The following SCFD2 variants were observed in gnomAD, a reference collection of about 807,000 sequenced individuals.
SCFD2 encodes the protein sec1 family domain containing 2.
Under a neutral mutation model 58.9 loss-of-function variants are expected in SCFD2, and 54 were observed. The observed-to-expected ratio is 0.92, with a 90% CI of 0.74 to 1.15. SCFD2 has a LOEUF of 1.15. Ranked by LOEUF, SCFD2 falls within the 50% of genes most tolerant of loss-of-function variation. The pLI is 0.00. For missense variants in SCFD2, 805 were observed against 836.6 expected (o/e 0.96, Z 0.47); for synonymous variants, 321 against 335.9 (o/e 0.96, Z 0.49).
chr4:52,922,927 CG>C (rs1186314016), intron 5 of SCFD2, among the ~76,000 whole-genome samples: 2 of 152,226 alleles, frequency 1.3e-5, no homozygotes, highest in East Asian at 3.9e-4. Flanking sequence ...TGAGGATACA[CG>C]TGTTGAAAAG....
chr4:53,062,071 CATAATA>C (rs1723529885), intron 5 of SCFD2, among the ~76,000 whole-genome samples: 1 of 151,468 alleles, frequency 6.6e-6, no homozygotes, highest in African/African-American at 2.4e-5. Flanking sequence ...TAATATGTAA[CATAATA>C]ATAGTAATAA....
chr4:53,288,520 T>C (rs1263730987), intron 3 of SCFD2, among the ~76,000 whole-genome samples: 1 of 152,040 alleles, frequency 6.6e-6, no homozygotes, highest in African/African-American at 2.4e-5. Flanking sequence ...GGAATCCCCA[T>C]CAGATTACCA....
At chr4:53,158,352 T>C (rs976252352) in intron 4 of SCFD2, among the ~76,000 whole-genome samples, 16 of 152,226 alleles carry the variant, frequency 1.1e-4, no homozygotes, top group African/African-American at 3.6e-4. Flanking sequence ...AAACTACCTA[T>C]TGGACTTCTC....
chr4:52,920,863 G>A lies in SCFD2; in HGVS notation c.1569C>T (p.Asp523=). 1 of 1,596,802 alleles carries A rather than the reference G, an allele frequency of 6.3e-7. No homozygotes were observed. Among genetic ancestry groups the A allele is most frequent in the Non-Finnish European group, 8.5e-7 (1 of 1,172,442 alleles). The change falls in exon 6 of 9, where the codon GAC becomes GAT. Residue 523 remains aspartate (D), a synonymous_variant. Coordinates refer to ENST00000401642, the MANE Select transcript of SCFD2 (RefSeq NM_152540.4). ...TGTGAAATGTCAGATTAATTGAAGAGTCCCAGTCTGAAAAAATCCAGAGAT... is the reference window on the plus strand; with the variant it reads ...TGTGAAATGTCAGATTAATTGAAGAATCCCAGTCTGAAAAAATCCAGAGAT... ...SPLLQKITDW[D]SSINLTFHKS... is the part of the protein sequence containing the mutation.
At chr4:52,989,095 A>G (rs947018776) in intron 5 of SCFD2, among the ~76,000 whole-genome samples, 1 of 152,212 alleles carries the variant, frequency 6.6e-6, no homozygotes, top group African/African-American at 2.4e-5. Flanking sequence ...ATAAAGTTAT[A>G]ACATCAGGGA....
intron 5 of SCFD2, among the ~76,000 whole-genome samples, chr4:53,122,348 G>A (rs1725502002): frequency 6.6e-6 from 1 of 151,862 alleles, no homozygotes; most frequent in Admixed American, 6.6e-5. Context: ...CTGCACTTCA[G>A]CCTGGGTGAC....
At chr4:53,021,667 T>C (rs1560512230) in intron 5 of SCFD2, among the ~76,000 whole-genome samples, 1 of 152,036 alleles carries the variant, frequency 6.6e-6, no homozygotes, top group Non-Finnish European at 1.5e-5. Context: ...GAAGGTGACA[T>C]TCGAGATCTA....
chr4:52,970,058 G>C (rs1411273248), intron 5 of SCFD2, among the ~76,000 whole-genome samples: 2 of 152,208 alleles, frequency 1.3e-5, no homozygotes, highest in Non-Finnish European at 2.9e-5. Flanking sequence ...TGGCTGAATA[G>C]GAACAACTCC....
chr4:52,929,225 A>T (rs1411363675), intron 5 of SCFD2, among the ~76,000 whole-genome samples: 2 of 152,218 alleles, frequency 1.3e-5, no homozygotes, highest in East Asian at 3.9e-4. Flanking sequence ...AGGCAGATTC[A>T]TCTGGAGGTA....
intron 3 of SCFD2, among the ~76,000 whole-genome samples, chr4:53,299,524 C>T (rs1284891989): frequency 6.6e-6 from 1 of 152,148 alleles, no homozygotes; most frequent in Non-Finnish European, 1.5e-5. Context: ...AAACACTCTG[C>T]AGGATATTAT....
intron 5 of SCFD2, among the ~76,000 whole-genome samples, chr4:52,988,324 C>T (rs944663743): frequency 2.6e-5 from 4 of 152,188 alleles, no homozygotes; most frequent in African/African-American, 7.2e-5. Context: ...CCCAAATATT[C>T]ATCCTGGGGT....
At chr4:53,272,896 A>G (rs1731219003) in intron 4 of SCFD2, among the ~76,000 whole-genome samples, 1 of 152,216 alleles carries the variant, frequency 6.6e-6, no homozygotes, top group Non-Finnish European at 1.5e-5. Context: ...CAAGCTATTT[A>G]GGGATATTTA....
intron 5 of SCFD2, among the ~76,000 whole-genome samples, chr4:52,931,979 A>C (rs301119): frequency 0.23 from 34,909 of 152,118 alleles, 5,895 homozygotes; most frequent in African/African-American, 0.48. Context: ...AGGGCTCCCC[A>C]AAGAAGACCA....
At chr4:52,971,851 G>A (rs1049717589) in intron 5 of SCFD2, among the ~76,000 whole-genome samples, 1 of 152,152 alleles carries the variant, frequency 6.6e-6, no homozygotes, top group Non-Finnish European at 1.5e-5. Context: ...AAGAGAGTGG[G>A]GGCCAATATT....
chr4:53,097,687 C>A (rs1401171352), intron 5 of SCFD2, among the ~76,000 whole-genome samples: 1 of 152,136 alleles, frequency 6.6e-6, no homozygotes, highest in Non-Finnish European at 1.5e-5. Flanking sequence ...TTCCTCTATT[C>A]CTAATTGAAT....
intron 2 of SCFD2, among the ~76,000 whole-genome samples, chr4:53,352,225 G>GT (rs1299899428): frequency 1.3e-5 from 2 of 152,198 alleles, no homozygotes; most frequent in Non-Finnish European, 2.9e-5. Flanking sequence ...TTTCATTGCT[G>GT]TTTGAGTTGC....
intron 5 of SCFD2, among the ~76,000 whole-genome samples, chr4:53,019,341 C>T (rs1428187769): frequency 6.6e-6 from 1 of 151,438 alleles, no homozygotes; most frequent in Non-Finnish European, 1.5e-5. Flanking sequence ...TATTTAAAGC[C>T]CTGTTTATGT....
intron 3 of SCFD2, among the ~76,000 whole-genome samples, chr4:53,278,813 A>AT (rs374702088): frequency 2.7e-5 from 4 of 149,504 alleles, no homozygotes; most frequent in South Asian, 2.2e-4. Flanking sequence ...ACGACAGCAG[A>AT]TTTTTTTTTC....
chr4:53,218,050 A>T (rs961372028), intron 4 of SCFD2, among the ~76,000 whole-genome samples: 1 of 152,126 alleles, frequency 6.6e-6, no homozygotes, highest in African/African-American at 2.4e-5. Flanking sequence ...GGGTAACCCG[A>T]CCTTTCTCTC....
Sources: allele counts gnomAD v4.1 joint callset (sites outside exome capture counted in the v4.1 genomes callset), GRCh38; gene constraint gnomAD v4.1.1; transcripts MANE v1.5; gene names NCBI Gene and HGNC (gene_info 2026-07-23, HGNC 2026-07-21).